The following DLG2 variants were observed in gnomAD, a reference collection of about 807,000 sequenced individuals.
DLG2 encodes the protein discs large MAGUK scaffold protein 2.
DLG2 carries 45 observed loss-of-function variants against 132.5 expected under a neutral mutation model. That is an observed-to-expected ratio of 0.34 (90% CI 0.27 to 0.44). The LOEUF is 0.44. Among genes scored for constraint, DLG2 ranks in the 20% least tolerant of loss-of-function variants. The probability of loss-of-function intolerance (pLI) is 1.00; values close to 1 mark genes in which losing one functional copy is unlikely to be tolerated. For missense variants in DLG2, 1,045 were observed against 1,196.9 expected (o/e 0.87, Z 1.87); for synonymous variants, 424 against 419.6 (o/e 1.01, Z -0.13).
intron 2 of DLG2, among the ~76,000 whole-genome samples, chr11:85,606,173 A>G (rs565188232): frequency 6.6e-6 from 1 of 152,374 alleles, no homozygotes; most frequent in South Asian, 2.1e-4. Flanking sequence ...TATGATATGT[A>G]TCCATTAAAA....
intron 6 of DLG2, among the ~76,000 whole-genome samples, chr11:84,869,989 G>A (rs1174288586): frequency 6.6e-6 from 1 of 152,198 alleles, no homozygotes; most frequent in Non-Finnish European, 1.5e-5. Flanking sequence ...AAAGATGGAA[G>A]GACTCAATTC....
intron 3 of DLG2, among the ~76,000 whole-genome samples, chr11:85,385,781 A>G (rs2086272853): frequency 2.0e-5 from 3 of 152,320 alleles, no homozygotes; most frequent in South Asian, 4.1e-4. Context: ...TAGAAACAAC[A>G]GGTGCTCTGA....
At chr11:84,853,371 C>T (rs909384364) in intron 6 of DLG2, among the ~76,000 whole-genome samples, 1 of 151,920 alleles carries the variant, frequency 6.6e-6, no homozygotes, top group Non-Finnish European at 1.5e-5. Context: ...CACTGGGGAA[C>T]TGGTGGACTG....
chr11:85,207,476 A>C lies in DLG2; in HGVS notation c.187-52825T>G, dbSNP rs556053072. ...ATATTTTTTATTCTTCATCAGTAGC[A>C]TTTGAGCTACCAACTTCTGGACTGA... is the stretch of plus-strand genomic sequence containing the variant. On this transcript the variant is annotated intron_variant, in intron 4 of 27. Transcript: ENST00000376104. Among the ~76,000 whole-genome samples the C allele has an allele frequency of 6.8e-4, 103 of 152,304 alleles. 1 individual carries two copies. The South Asian group carries it at 0.019, about 28-fold the overall frequency.
chr11:84,404,068 A>G (rs571879157), intron 7 of DLG2, among the ~76,000 whole-genome samples: 2 of 152,194 alleles, frequency 1.3e-5, no homozygotes, highest in African/African-American at 4.8e-5. Context: ...TTCAAATTGT[A>G]TTATTGCTTT....
intron 3 of DLG2, among the ~76,000 whole-genome samples, chr11:85,442,763 T>G (rs1005895423): frequency 1.3e-5 from 2 of 151,974 alleles, no homozygotes; most frequent in Non-Finnish European, 2.9e-5. Flanking sequence ...GTACCTGTAG[T>G]CCCAGCTATT....
intron 7 of DLG2, among the ~76,000 whole-genome samples, chr11:84,265,126 T>C (rs1444210411): frequency 6.6e-6 from 1 of 152,224 alleles, no homozygotes; most frequent in Non-Finnish European, 1.5e-5. Flanking sequence ...TTTCTATTCA[T>C]GTATAGATGT....
At chr11:84,584,215 G>A (rs1361978388) in intron 6 of DLG2, among the ~76,000 whole-genome samples, 3 of 151,908 alleles carry the variant, frequency 2.0e-5, no homozygotes, top group African/African-American at 7.3e-5. Flanking sequence ...CTATATAATT[G>A]AGTATAAAAT....
At chr11:83,760,593 T>C (rs984624096) in intron 18 of DLG2, among the ~76,000 whole-genome samples, 2 of 152,064 alleles carry the variant, frequency 1.3e-5, no homozygotes, top group South Asian at 4.1e-4. Flanking sequence ...TGACCTCAGG[T>C]GATCCACCTG....
intron 11 of DLG2, among the ~76,000 whole-genome samples, chr11:84,009,937 C>T (rs141328818): frequency 5.3e-5 from 8 of 152,166 alleles, no homozygotes; most frequent in Non-Finnish European, 2.9e-5. Flanking sequence ...TGGGCCAAGA[C>T]GCGAATCCAA....
chr11:84,405,407 T>C (rs928565587), intron 7 of DLG2, among the ~76,000 whole-genome samples: 2 of 152,320 alleles, frequency 1.3e-5, no homozygotes, highest in African/African-American at 4.8e-5. Context: ...AAGTCACTTC[T>C]GTCTTCCGTA....
chr11:84,493,270 C>T (rs1235787605), intron 7 of DLG2, among the ~76,000 whole-genome samples: 1 of 152,034 alleles, frequency 6.6e-6, no homozygotes, highest in Non-Finnish European at 1.5e-5. Flanking sequence ...TAAATTTTAC[C>T]ACCTGCTTGA....
intron 8 of DLG2, among the ~76,000 whole-genome samples, chr11:84,177,171 T>C (rs2095994576): frequency 6.6e-6 from 1 of 152,144 alleles, no homozygotes; most frequent in African/African-American, 2.4e-5. Context: ...CTTTGTTTTC[T>C]TAATCATCCT....
intron 7 of DLG2, among the ~76,000 whole-genome samples, chr11:84,470,480 A>T (rs1286382301): frequency 6.6e-6 from 1 of 151,764 alleles, no homozygotes; most frequent in Non-Finnish European, 1.5e-5. Flanking sequence ...TCAACTAACA[A>T]TTGTCATTTA....
At chr11:83,775,884 A>G (rs567267014) in intron 18 of DLG2, among the ~76,000 whole-genome samples, 34 of 152,268 alleles carry the variant, frequency 2.2e-4, no homozygotes, top group Middle Eastern at 3.4e-3. Flanking sequence ...CAAGATCAGG[A>G]GATCGAGACC....
chr11:83,595,233 A>C (rs1473501209), intron 19 of DLG2, among the ~76,000 whole-genome samples: 2 of 152,184 alleles, frequency 1.3e-5, no homozygotes, highest in African/African-American at 2.4e-5. Context: ...GCATTGCTGC[A>C]CTGGGGTTTC....
chr11:84,754,697 T>C (rs2066625943), intron 6 of DLG2, among the ~76,000 whole-genome samples: 1 of 152,198 alleles, frequency 6.6e-6, no homozygotes, highest in South Asian at 2.1e-4. Context: ...CTCCTTACAA[T>C]GTTTTAATCA....
intron 6 of DLG2, among the ~76,000 whole-genome samples, chr11:84,637,501 G>A (rs1448040444): frequency 6.6e-6 from 1 of 152,196 alleles, no homozygotes; most frequent in Admixed American, 6.5e-5. Context: ...TGAAAGAACT[G>A]AATTGAATTG....
chr11:83,972,002 A>T (rs2091432353), intron 12 of DLG2, among the ~76,000 whole-genome samples: 1 of 152,184 alleles, frequency 6.6e-6, no homozygotes. Context: ...GCAAGAACAA[A>T]AACTTTAAGA....
Sources: gnomAD v4.1 joint callset for allele counts (sites outside exome capture counted in the v4.1 genomes callset) on GRCh38, gnomAD v4.1.1 for gene constraint, MANE v1.5 for transcripts, NCBI Gene and HGNC (gene_info 2026-07-23, HGNC 2026-07-21) for gene names.